The following IGDCC4 variants were observed in gnomAD, a reference collection of about 807,000 sequenced individuals.
IGDCC4 encodes immunoglobulin superfamily DCC subclass member 4.
Under a neutral mutation model 116.6 loss-of-function variants are expected in IGDCC4, and 72 were observed. That is an observed-to-expected ratio of 0.62 (90% CI 0.51 to 0.75). The LOEUF is 0.75. Among genes scored for constraint, IGDCC4 ranks in the 30% least tolerant of loss-of-function variants. The probability of loss-of-function intolerance (pLI) is 0.00; values close to 1 mark genes in which losing one functional copy is unlikely to be tolerated. For missense variants in IGDCC4, 1,501 were observed against 1,662.4 expected (o/e 0.90, Z 1.69); for synonymous variants, 709 against 719.9 (o/e 0.98, Z 0.24).
In IGDCC4 at chr15:65,389,331, A is replaced by T. The variant is rs1367285809; in HGVS notation, c.2489T>A (p.Met830Lys). ...CACCACAGAGCCGAAAGGCCCATCCATGTCCACGCCGTGAGACTGCACTGC... is the reference window on the plus strand; with the variant it reads ...CACCACAGAGCCGAAAGGCCCATCCTTGTCCACGCCGTGAGACTGCACTGC... Reference protein sequence around the residue: ...EFAVQSHGVDMDGPFGSVVER... With the variant: ...EFAVQSHGVDKDGPFGSVVER... Residue 830 changes from methionine to lysine, a missense_variant, in exon 14 of 20, where the codon ATG (methionine) becomes AAG (lysine). Around this residue, in one of 3 missense-constraint regions of IGDCC4, gnomAD observed 235 missense variants for 328.0 expected, o/e 0.72. Coordinates refer to ENST00000352385, the MANE Select transcript of IGDCC4 (RefSeq NM_020962.3). 18 of 1,614,158 alleles carry T rather than the reference A, an allele frequency of 1.1e-5. No homozygotes were observed. The highest frequency in any genetic ancestry group is 1.4e-5 in the Non-Finnish European group (17 of 1,180,010).
chr15:65,383,930 T>A lies in IGDCC4; in HGVS notation c.*79A>T. 1 of 1,344,568 alleles carries A rather than the reference T, an allele frequency of 7.4e-7. No homozygotes were observed. Among genetic ancestry groups the A allele is most frequent in the Admixed American group, 2.8e-5 (1 of 35,986 alleles). The allele number at this position is 1,344,568 out of a possible 1,614,324, so 83.3% of individuals were successfully genotyped here. On this transcript the variant is annotated 3_prime_UTR_variant, in exon 20 of 20. Transcript: ENST00000352385. ...TTGATGATGTATCTACAGGCACACA[T>A]GTGGACATACACGGCCACAGGTATC...
At chr15:65,389,839 G>T (rs1303854066) in intron 13 of IGDCC4, among the ~76,000 whole-genome samples, 1 of 152,096 alleles carries the variant, frequency 6.6e-6, no homozygotes, top group Admixed American at 6.5e-5. Flanking sequence ...CAGGGGTGGG[G>T]TTCTCTTCAC....
At chr15:65,400,522 G>A (rs893010645) in intron 5 of IGDCC4, among the ~76,000 whole-genome samples, 4 of 152,202 alleles carry the variant, frequency 2.6e-5, no homozygotes, top group African/African-American at 9.7e-5. Flanking sequence ...GGAGAACCTA[G>A]CTCAGCACCT....
intron 6 of IGDCC4, 78 bp from the exon 7 acceptor site, chr15:65,396,241 G>T (rs1333763997): frequency 7.1e-6 from 8 of 1,124,384 alleles, no homozygotes; most frequent in Admixed American, 5.0e-5. Flanking sequence ...CCCCAAGCCT[G>T]CCCCCCACCG....
At chr15:65,396,227 AG>A in intron 6 of IGDCC4, 64 bp from the exon 7 acceptor site, 2 of 953,574 alleles carry the variant, frequency 2.1e-6, no homozygotes, top group Non-Finnish European at 2.5e-6. Flanking sequence ...CCCCCCCCCC[AG>A]TACCCCAAGC....
At chr15:65,398,533 C>CAAAAAAAAAAAA (rs3082803) in intron 5 of IGDCC4, among the ~76,000 whole-genome samples, 3 of 77,644 alleles carry the variant, frequency 3.9e-5, no homozygotes, top group Non-Finnish European at 2.5e-5. Flanking sequence ...AACTCCATCT[C>CAAAAAAAAAAAA]AAAAAAAAAA....
chr15:65,417,564 G>A (rs549173668), intron 1 of IGDCC4, among the ~76,000 whole-genome samples: 41 of 152,262 alleles, frequency 2.7e-4, no homozygotes, highest in South Asian at 2.1e-4. Context: ...CCCGTAGAAC[G>A]CTGGCACCCC....
At chr15:65,398,872 A>G (rs1009302202) in intron 5 of IGDCC4, among the ~76,000 whole-genome samples, 4 of 152,242 alleles carry the variant, frequency 2.6e-5, no homozygotes, top group Non-Finnish European at 4.4e-5. Context: ...CCCGGGCGAC[A>G]GAGCGAGACT....
chr15:65,422,716 G>A, intron 1 of IGDCC4, 77 bp downstream of exon 1: 4 of 1,150,388 alleles, frequency 3.5e-6, no homozygotes, highest in Non-Finnish European at 4.4e-6. Flanking sequence ...AGCCAGCCCC[G>A]CAGCCCGATG....
At position 65,395,736 on chromosome 15, in the gene IGDCC4, C is replaced by A; in HGVS notation, c.1411+14G>T. ...CGGGCCTGCGCTGGTGCATCCCGCC[C>A]CAGGCCGACGTACCCCGTGCCTTCT... On this transcript the variant is annotated intron_variant, in intron 7 of 19. Transcript: ENST00000352385. The A allele has an allele frequency of 7.0e-7, 1 of 1,430,604 alleles. No homozygotes were observed. Among genetic ancestry groups the A allele is most frequent in the South Asian group, 1.5e-5 (1 of 67,882 alleles). The allele number at this position is 1,430,604 out of a possible 1,614,324, so 88.6% of individuals were successfully genotyped here.
intron 6 of IGDCC4, 53 bp from the exon 7 acceptor site, chr15:65,396,216 G>C: frequency 2.5e-6 from 3 of 1,188,150 alleles, no homozygotes; most frequent in Non-Finnish European, 3.2e-6. Context: ...TAAGGTCTCT[G>C]CCCCCCCCCC....
chr15:65,413,863 TAGCCATGTGGTTTTGGCCC>T (rs2063120154), intron 1 of IGDCC4, among the ~76,000 whole-genome samples: 1 of 152,200 alleles, frequency 6.6e-6, no homozygotes, highest in African/African-American at 2.4e-5. Context: ...CATCACAGTC[TAGCCATGTGGTTTTGGCCC>T]AGTCATTTCC....
intron 14 of IGDCC4, 91 bp downstream of exon 14, chr15:65,389,193 C>T: frequency 1.9e-6 from 3 of 1,548,290 alleles, no homozygotes; most frequent in Non-Finnish European, 2.6e-6. Context: ...TCTGCCCAAA[C>T]CTTGGGGTTC....
At position 65,382,198 on chromosome 15, in the gene IGDCC4, AGAAATACTACAAGT is replaced by A. The variant is rs769739073; in HGVS notation, c.*1797_*1810del. ...TAGCCACAGCAGCGCTGAATGCTAC[AGAAATACTACAAGT>A]GACAATTCTGTCTTTAACGAGATAC... On this transcript the variant is annotated 3_prime_UTR_variant, in exon 20 of 20. Coordinates refer to ENST00000352385, the MANE Select transcript of IGDCC4 (RefSeq NM_020962.3). 1.3e-5 allele frequency: 2 copies of A among 152,580 alleles called. No homozygotes were observed. Among genetic ancestry groups the A allele is most frequent in the Non-Finnish European group, 2.9e-5 (2 of 68,034 alleles). 9.5% of individuals were successfully genotyped at this position (152,580 alleles called of 1,614,324 possible). A position where few individuals can be genotyped will look rare whatever the true frequency, so the allele number is the denominator to read the frequency against.
Position 65,390,145 on chromosome 15 carries a change from T to C in IGDCC4, c.2408+10A>G. 1 of 1,566,284 alleles carries C rather than the reference T, an allele frequency of 6.4e-7. No individual in the cohort carries two copies. Among genetic ancestry groups the C allele is most frequent in the Non-Finnish European group, 8.7e-7 (1 of 1,144,878 alleles). ...CCCTTCTTTACATTAGTAAAGGCAT[T>C]AGTCCCCACCTGGTGTAATAGGTGA... is the stretch of plus-strand genomic sequence containing the variant. On this transcript the variant is annotated intron_variant, in intron 13 of 19. Transcript: ENST00000352385.
At chr15:65,422,759 A>G in intron 1 of IGDCC4, 34 bp downstream of exon 1, 1 of 1,330,234 alleles carries the variant, frequency 7.5e-7, no homozygotes, top group South Asian at 1.8e-5. Context: ...AGCACTCCGC[A>G]GTCGCTCCTG....
At chr15:65,392,557 G>C (rs2062878257) in intron 10 of IGDCC4, among the ~76,000 whole-genome samples, 187 bp from the exon 11 acceptor site, 1 of 152,146 alleles carries the variant, frequency 6.6e-6, no homozygotes, top group South Asian at 2.1e-4. Context: ...GCCAGTCCTG[G>C]GCTTGGTCTA....
chr15:65,396,295 T>G (rs2062926685), intron 6 of IGDCC4, 132 bp from the exon 7 acceptor site: 1 of 987,450 alleles, frequency 1.0e-6, no homozygotes, highest in Non-Finnish European at 1.5e-6. Flanking sequence ...TCTCCCTGAT[T>G]CACCCTTTCC....
intron 11 of IGDCC4, 38 bp from the exon 12 acceptor site, chr15:65,392,019 T>C: frequency 6.4e-7 from 1 of 1,572,326 alleles, no homozygotes. Flanking sequence ...TAGGGGGACA[T>C]CTGGGGTCAC....
Sources: allele counts gnomAD v4.1 joint callset (sites outside exome capture counted in the v4.1 genomes callset), GRCh38; gene constraint gnomAD v4.1.1; regional missense constraint gnomAD v4.1.1; transcripts MANE v1.5; gene names NCBI Gene and HGNC (gene_info 2026-07-23, HGNC 2026-07-21).